The following EXT1 variants were observed in gnomAD, a reference collection of about 807,000 sequenced individuals.
EXT1 encodes the protein exostosin-1.
Under a neutral mutation model 82.5 loss-of-function variants are expected in EXT1, and 20 were observed. That is an observed-to-expected ratio of 0.24 (90% CI 0.17 to 0.35). The LOEUF (loss-of-function observed/expected upper bound fraction) is 0.35. Among genes scored for constraint, EXT1 ranks in the 10% least tolerant of loss-of-function variants. The probability of loss-of-function intolerance (pLI) is 1.00; values close to 1 mark genes in which losing one functional copy is unlikely to be tolerated. For missense variants in EXT1, 757 were observed against 936.5 expected (o/e 0.81, Z 2.50); for synonymous variants, 348 against 350.8 (o/e 0.99, Z 0.09).
At chr8:118,034,825 C>T (rs1326054014) in intron 1 of EXT1, among the ~76,000 whole-genome samples, 1 of 152,140 alleles carries the variant, frequency 6.6e-6, no homozygotes, top group Non-Finnish European at 1.5e-5. Flanking sequence ...ACCAATGGCC[C>T]AAGCATGGCA....
chr8:118,070,651 T>C (rs1817073629), intron 1 of EXT1, among the ~76,000 whole-genome samples: 1 of 152,206 alleles, frequency 6.6e-6, no homozygotes, highest in Non-Finnish European at 1.5e-5. Context: ...AATTCTTTTA[T>C]GACTTAATTA....
intron 1 of EXT1, among the ~76,000 whole-genome samples, chr8:117,967,684 T>C (rs1045300585): frequency 8.5e-5 from 13 of 152,222 alleles, no homozygotes; most frequent in Non-Finnish European, 1.5e-5. Context: ...AATGGAACTA[T>C]GGCTATTATT....
At chr8:118,109,319 T>C (rs1166689745) in intron 1 of EXT1, among the ~76,000 whole-genome samples, 1 of 148,340 alleles carries the variant, frequency 6.7e-6, no homozygotes, top group African/African-American at 2.5e-5. Flanking sequence ...GAAATCTAAA[T>C]TAGCAACTGG....
rs558851106 is a variant in EXT1 at position 117,807,683 on chromosome 8, TC to T, written c.1723-307del. ...AAACATAAGTTGAAAAAGCTTCTTTTCCCCCTTCCTCAAAGGTGCACGTGCC... is the reference window on the plus strand; with the variant it reads ...AAACATAAGTTGAAAAAGCTTCTTTTCCCCTTCCTCAAAGGTGCACGTGCC... On this transcript the variant is annotated intron_variant, in intron 8 of 10. Coordinates refer to ENST00000378204, the MANE Select transcript of EXT1 (RefSeq NM_000127.3). 6.1e-3 allele frequency among the ~76,000 whole-genome samples: 929 copies of T among 152,160 alleles called. 15 individuals are homozygous for T. The highest frequency in any genetic ancestry group is 0.021 in the African/African-American group (881 of 41,500).
chr8:117,906,011 A>T (rs1813537299), intron 1 of EXT1, among the ~76,000 whole-genome samples: 1 of 152,174 alleles, frequency 6.6e-6, no homozygotes, highest in Non-Finnish European at 1.5e-5. Context: ...AGATTTCTTT[A>T]AAAAGGCTAC....
intron 1 of EXT1, among the ~76,000 whole-genome samples, chr8:117,981,253 TCTA>T: frequency 6.6e-6 from 1 of 152,312 alleles, no homozygotes; most frequent in East Asian, 1.9e-4. Flanking sequence ...CAATGCCAAC[TCTA>T]CTAATTCAGA....
rs547579955 is a variant in EXT1 at position 118,057,402 on chromosome 8, G to A, written c.962+52683C>T. On this transcript the variant is annotated intron_variant, in intron 1 of 10. Transcript: ENST00000378204. Reference sequence around the variant, plus strand: ...TAAAAATACAAAAAATTAGCCGGGTGTGATGGCTGATGCCATAATCCCAGC... The same window carrying A: ...TAAAAATACAAAAAATTAGCCGGGTATGATGGCTGATGCCATAATCCCAGC... 2.0e-5 allele frequency among the ~76,000 whole-genome samples: 3 copies of A among 152,064 alleles called. No individual in the cohort carries two copies. In the East Asian group the frequency reaches 5.8e-4, roughly 30 times the overall value.
At chr8:117,890,348 C>A (rs1813221252) in intron 1 of EXT1, among the ~76,000 whole-genome samples, 1 of 152,162 alleles carries the variant, frequency 6.6e-6, no homozygotes, top group Non-Finnish European at 1.5e-5. Context: ...TCAGTTGTCA[C>A]AACTGGGGAA....
chr8:117,892,154 T>A (rs983972804), intron 1 of EXT1, among the ~76,000 whole-genome samples: 15 of 152,228 alleles, frequency 9.9e-5, no homozygotes, highest in African/African-American at 2.9e-4. Flanking sequence ...GTTGGCTCCA[T>A]CCTTCTTCTG....
chr8:117,898,667 A>G (rs1813387152), intron 1 of EXT1, among the ~76,000 whole-genome samples: 1 of 152,240 alleles, frequency 6.6e-6, no homozygotes, highest in Admixed American at 6.5e-5. Flanking sequence ...CGTCCTAAAA[A>G]GCACGTGACT....
At chr8:118,016,570 G>T (rs1816008062) in intron 1 of EXT1, among the ~76,000 whole-genome samples, 1 of 152,188 alleles carries the variant, frequency 6.6e-6, no homozygotes, top group East Asian at 1.9e-4. Context: ...GAACCACAAA[G>T]AATTTAGTCT....
intron 1 of EXT1, among the ~76,000 whole-genome samples, chr8:117,921,531 A>G (rs1813854893): frequency 6.6e-6 from 1 of 152,232 alleles, no homozygotes; most frequent in African/African-American, 2.4e-5. Flanking sequence ...ACACTAGTTC[A>G]GACAACTTCA....
At chr8:117,903,422 T>A (rs985187019) in intron 1 of EXT1, among the ~76,000 whole-genome samples, 3 of 152,154 alleles carry the variant, frequency 2.0e-5, no homozygotes, top group African/African-American at 7.2e-5. Flanking sequence ...ATACTCTCAT[T>A]TTCCACTTAA....
chr8:117,959,610 C>G (rs1283554277), intron 1 of EXT1, among the ~76,000 whole-genome samples: 1 of 152,192 alleles, frequency 6.6e-6, no homozygotes, highest in Non-Finnish European at 1.5e-5. Flanking sequence ...GATGAGGACA[C>G]TGGAGATCAC....
intron 1 of EXT1, among the ~76,000 whole-genome samples, chr8:117,915,193 C>T (rs1050774443): frequency 1.8e-4 from 28 of 152,240 alleles, no homozygotes; most frequent in South Asian, 1.0e-3. Context: ...ATATTGGGGG[C>T]GGGTTCCCCT....
chr8:117,963,772 G>A (rs577869025), intron 1 of EXT1, among the ~76,000 whole-genome samples: 115 of 152,294 alleles, frequency 7.6e-4, no homozygotes, highest in African/African-American at 2.6e-3. Flanking sequence ...TTACAGGCAT[G>A]AGCCACTGCA....
intron 1 of EXT1, among the ~76,000 whole-genome samples, chr8:117,885,509 A>G (rs922967502): frequency 1.5e-4 from 23 of 151,424 alleles, no homozygotes; most frequent in South Asian, 2.1e-4. Flanking sequence ...AAAAAAAAAA[A>G]AAAGAAAGAA....
At chr8:117,957,694 T>C (rs1010801079) in intron 1 of EXT1, among the ~76,000 whole-genome samples, 3 of 152,250 alleles carry the variant, frequency 2.0e-5, no homozygotes, top group African/African-American at 7.2e-5. Context: ...CACAATCATT[T>C]GAGATGTTTT....
At chr8:117,861,515 G>GTTTT (rs1812685809) in intron 1 of EXT1, among the ~76,000 whole-genome samples, 1 of 90,520 alleles carries the variant, frequency 1.1e-5, no homozygotes, top group Non-Finnish European at 2.2e-5. Context: ...TTTTTTTTGA[G>GTTTT]ATAGAGTCTT....
Sources: gnomAD v4.1 joint callset for allele counts (sites outside exome capture counted in the v4.1 genomes callset) on GRCh38, gnomAD v4.1.1 for gene constraint, MANE v1.5 for transcripts, NCBI Gene and HGNC (gene_info 2026-07-23, HGNC 2026-07-21) for gene names.